The following STXBP5L variants were observed in gnomAD, a reference collection of about 807,000 sequenced individuals.
STXBP5L encodes syntaxin binding protein 5L.
In STXBP5L, 65 loss-of-function variants were observed where a neutral mutation model predicts 144.5. The observed-to-expected ratio is 0.45, with a 90% CI of 0.37 to 0.55. The LOEUF (loss-of-function observed/expected upper bound fraction) is 0.55. Among genes scored for constraint, STXBP5L ranks in the 20% least tolerant of loss-of-function variants. The probability of loss-of-function intolerance (pLI) is 0.00; values close to 1 mark genes in which losing one functional copy is unlikely to be tolerated. For missense variants in STXBP5L, 1,298 were observed against 1,405.5 expected (o/e 0.92, Z 1.22); for synonymous variants, 505 against 469.6 (o/e 1.08, Z -0.97).
At chr3:121,330,392 C>T (rs1350685439) in intron 20 of STXBP5L, among the ~76,000 whole-genome samples, 1 of 152,174 alleles carries the variant, frequency 6.6e-6, no homozygotes, top group Non-Finnish European at 1.5e-5. Context: ...CTTCTGATTT[C>T]CCCGGGGCTG....
chr3:121,326,709 G>T (rs1015559390), intron 20 of STXBP5L, among the ~76,000 whole-genome samples: 3 of 151,920 alleles, frequency 2.0e-5, no homozygotes, highest in Non-Finnish European at 4.4e-5. Context: ...ACTTTAGCAG[G>T]TTTCTTACAC....
intron 20 of STXBP5L, among the ~76,000 whole-genome samples, chr3:121,353,619 T>A (rs551230136): frequency 1.3e-4 from 20 of 152,128 alleles, no homozygotes; most frequent in Non-Finnish European, 2.2e-4. Flanking sequence ...TTTGTTGATC[T>A]TTTCAAAAAA....
At chr3:121,322,274 T>G (rs1408640281) in intron 20 of STXBP5L, among the ~76,000 whole-genome samples, 2 of 151,974 alleles carry the variant, frequency 1.3e-5, no homozygotes, top group South Asian at 2.1e-4. Flanking sequence ...AGGTTGGGGG[T>G]TTGAGACCAG....
At chr3:120,931,774 A>G (rs1709953027) in intron 2 of STXBP5L, among the ~76,000 whole-genome samples, 1 of 152,200 alleles carries the variant, frequency 6.6e-6, no homozygotes, top group Non-Finnish European at 1.5e-5. Flanking sequence ...AAGTCAAACC[A>G]CAATCTCTGC....
At chr3:121,147,168 A>T (rs890921070) in intron 7 of STXBP5L, among the ~76,000 whole-genome samples, 1 of 152,112 alleles carries the variant, frequency 6.6e-6, no homozygotes, top group South Asian at 2.1e-4. Context: ...CATTATTTTC[A>T]AGTGCTTATA....
At chr3:120,976,546 C>G (rs1941046915) in intron 3 of STXBP5L, among the ~76,000 whole-genome samples, 3 of 152,120 alleles carry the variant, frequency 2.0e-5, no homozygotes, top group Admixed American at 2.0e-4. Flanking sequence ...CTATCTCCTT[C>G]AGTTCTGCTC....
intron 3 of STXBP5L, among the ~76,000 whole-genome samples, chr3:120,998,857 G>A (rs1182339999): frequency 6.6e-6 from 1 of 152,130 alleles, no homozygotes; most frequent in East Asian, 1.9e-4. Flanking sequence ...ATTGCTGAAT[G>A]AAGTGAGAGC....
chr3:121,361,324 A>T (rs995689041), intron 20 of STXBP5L, among the ~76,000 whole-genome samples: 1 of 152,130 alleles, frequency 6.6e-6, no homozygotes, highest in Non-Finnish European at 1.5e-5. Flanking sequence ...TTGAATATTA[A>T]TATCTTTCTC....
intron 20 of STXBP5L, among the ~76,000 whole-genome samples, chr3:121,343,774 C>G (rs568607931): frequency 2.6e-5 from 4 of 152,128 alleles, no homozygotes; most frequent in African/African-American, 9.7e-5. Context: ...GAAGAACATT[C>G]CATGCTCATG....
At chr3:120,946,714 C>T (rs1462052481) in intron 2 of STXBP5L, among the ~76,000 whole-genome samples, 1 of 151,698 alleles carries the variant, frequency 6.6e-6, no homozygotes, top group African/African-American at 2.4e-5. Context: ...TAGTTCTATC[C>T]TGGTCCCTTT....
chr3:121,092,584 G>C (rs998660210), intron 5 of STXBP5L, among the ~76,000 whole-genome samples: 2 of 152,108 alleles, frequency 1.3e-5, no homozygotes, highest in African/African-American at 2.4e-5. Context: ...TCTGTTATTG[G>C]TGTATAAGAA....
intron 19 of STXBP5L, among the ~76,000 whole-genome samples, chr3:121,294,128 G>A (rs1160402718): frequency 6.6e-6 from 1 of 152,192 alleles, no homozygotes; most frequent in East Asian, 1.9e-4. Context: ...AGAAAATATT[G>A]TGGAGCCAAA....
intron 2 of STXBP5L, among the ~76,000 whole-genome samples, chr3:120,918,382 T>G (rs540348408): frequency 6.6e-6 from 1 of 152,314 alleles, no homozygotes; most frequent in African/African-American, 2.4e-5. Flanking sequence ...CCTGTTTTTG[T>G]TTTTTGAGTT....
intron 7 of STXBP5L, among the ~76,000 whole-genome samples, chr3:121,122,645 A>G (rs2044518248): frequency 6.6e-6 from 1 of 151,564 alleles, no homozygotes; most frequent in African/African-American, 2.4e-5. Context: ...ATGGTACTGG[A>G]TAATTGGTTC....
intron 20 of STXBP5L, among the ~76,000 whole-genome samples, chr3:121,350,685 C>T (rs1181344231): frequency 1.3e-5 from 2 of 151,884 alleles, no homozygotes; most frequent in Admixed American, 1.3e-4. Context: ...CGTTAAACTT[C>T]TCTTCTCACT....
At chr3:121,091,025 G>A (rs892291079) in intron 5 of STXBP5L, among the ~76,000 whole-genome samples, 7 of 148,472 alleles carry the variant, frequency 4.7e-5, no homozygotes, top group Non-Finnish European at 3.0e-5. Context: ...GAGAATATGC[G>A]GTGTGTGGTT....
chr3:121,026,122 A>G (rs1014250840), intron 3 of STXBP5L, among the ~76,000 whole-genome samples: 2 of 150,704 alleles, frequency 1.3e-5, no homozygotes, highest in Non-Finnish European at 3.0e-5. Context: ...CATTACATCT[A>G]AAATAAAATT....
rs58297766 is a variant in STXBP5L, at chr3:121,397,075, C to T, written c.2588-10168C>T. On this transcript the variant is annotated intron_variant, in intron 22 of 26. Transcript: ENST00000471454. ...TGTCTGGAAAACTTTACTTTTCGAT[C>T]CAGAATAAGAAGCTTTACCATTACT... Among the ~76,000 whole-genome samples, 1,205 of 152,340 alleles carry T rather than the reference C, an allele frequency of 7.9e-3. 14 individuals carry two copies. The highest frequency in any genetic ancestry group is 0.028 in the African/African-American group (1,162 of 41,572).
rs369616123 is a variant in STXBP5L, at chr3:121,259,085, A to G, written c.1875A>G (p.Ala625=). ...TGCGAATGCCTCCAGGATATCAAGC[A>G]GAACTTGTTATTCAATTGGTGTGGG... ...RPVRMPPGYQ[A]ELVIQLVWVD... is the part of the protein sequence containing the mutation. Residue 625 remains alanine, a synonymous_variant, in exon 18 of 27, where the codon GCA becomes GCG. Coordinates refer to ENST00000471454, the MANE Select transcript of STXBP5L (RefSeq NM_001308330.2). 1.9e-6 allele frequency: 3 copies of G among 1,606,734 alleles called. No homozygotes were observed. In the African/African-American group the frequency reaches 4.0e-5, roughly 22 times the overall value.
Sources: gnomAD v4.1 joint callset for allele counts (sites outside exome capture counted in the v4.1 genomes callset) on GRCh38, gnomAD v4.1.1 for gene constraint, MANE v1.5 for transcripts, NCBI Gene and HGNC (gene_info 2026-07-23, HGNC 2026-07-21) for gene names.